Variants in LHFPL3 observed in about 807,000 individuals in gnomAD.
LHFPL3 encodes the protein LHFPL tetraspan subfamily member 3 protein.
LHFPL3 carries 5 observed loss-of-function variants against 19.3 expected under a neutral mutation model. That is an observed-to-expected ratio of 0.26 (90% CI 0.14 to 0.54). The LOEUF is 0.54. Ranked by LOEUF, LHFPL3 falls within the 20% of genes least tolerant of loss-of-function variation. The probability of loss-of-function intolerance (pLI) is 0.94; values close to 1 mark genes in which losing one functional copy is unlikely to be tolerated. For synonymous variants in LHFPL3, 133 were observed against 126.2 expected, an observed-to-expected ratio of 1.05 and a Z score of -0.36; for missense variants, 249 against 307.4, an observed-to-expected ratio of 0.81 and a Z score of 1.42.
intron 1 of LHFPL3, among the ~76,000 whole-genome samples, chr7:104,342,963 G>GT (rs1789985587): frequency 6.8e-6 from 1 of 146,446 alleles, no homozygotes; most frequent in Admixed American, 6.8e-5. Context: ...CATAAGGGCT[G>GT]TTCCCTTCTT....
At chr7:104,786,039 C>G (rs1789904802) in intron 2 of LHFPL3, among the ~76,000 whole-genome samples, 1 of 152,198 alleles carries the variant, frequency 6.6e-6, no homozygotes, top group African/African-American at 2.4e-5. Flanking sequence ...GTCAGACCCT[C>G]TGTGTGGAAA....
At chr7:104,421,891 C>T (rs1791740359) in intron 1 of LHFPL3, among the ~76,000 whole-genome samples, 2 of 152,050 alleles carry the variant, frequency 1.3e-5, no homozygotes, top group African/African-American at 4.8e-5. Flanking sequence ...AGGTGGAGCC[C>T]TCATGAATGG....
intron 2 of LHFPL3, among the ~76,000 whole-genome samples, chr7:104,760,267 A>C (rs372495318): frequency 4.6e-5 from 7 of 152,170 alleles, no homozygotes; most frequent in African/African-American, 1.4e-4. Context: ...GCTGCCAGAA[A>C]CCAAACTTTG....
At chr7:104,365,507 C>T (rs1368083569) in intron 1 of LHFPL3, among the ~76,000 whole-genome samples, 37 of 150,624 alleles carry the variant, frequency 2.5e-4, no homozygotes, top group African/African-American at 8.1e-4. Context: ...CTCGGCCGGG[C>T]GCGGTGGCTC....
chr7:104,828,417 C>T (rs1221089450), intron 2 of LHFPL3, among the ~76,000 whole-genome samples: 8 of 151,984 alleles, frequency 5.3e-5, no homozygotes, highest in Non-Finnish European at 1.2e-4. Context: ...ACTCCTGCCC[C>T]AGCAGGTAGT....
chr7:104,388,528 C>T (rs1354185307), intron 1 of LHFPL3, among the ~76,000 whole-genome samples: 2 of 152,154 alleles, frequency 1.3e-5, no homozygotes, highest in Non-Finnish European at 2.9e-5. Context: ...AAAACGAACA[C>T]TTCCCAACTT....
At chr7:104,624,540 C>T (rs1791508844) in intron 1 of LHFPL3, among the ~76,000 whole-genome samples, 1 of 152,176 alleles carries the variant, frequency 6.6e-6, no homozygotes, top group Admixed American at 6.5e-5. Context: ...AACAGAAGGA[C>T]AAGGTCAGTG....
At chr7:104,455,020 T>C (rs977038024) in intron 1 of LHFPL3, among the ~76,000 whole-genome samples, 2 of 152,198 alleles carry the variant, frequency 1.3e-5, no homozygotes, top group Admixed American at 6.5e-5. Context: ...TGAGCCGGCC[T>C]CCTTATTGTG....
chr7:104,712,952 T>C (rs903514098), intron 1 of LHFPL3, among the ~76,000 whole-genome samples: 3 of 152,188 alleles, frequency 2.0e-5, no homozygotes, highest in Non-Finnish European at 4.4e-5. Context: ...CTGTAAAGAA[T>C]ACAAACCATA....
intron 1 of LHFPL3, among the ~76,000 whole-genome samples, chr7:104,441,908 C>G (rs187048583): frequency 6.6e-6 from 1 of 152,186 alleles, no homozygotes; most frequent in East Asian, 1.9e-4. Context: ...GATATCTGCC[C>G]AGAAGTGGAA....
chr7:104,476,144 G>T (rs1264506218), intron 1 of LHFPL3, among the ~76,000 whole-genome samples: 1 of 151,930 alleles, frequency 6.6e-6, no homozygotes, highest in Admixed American at 6.5e-5. Flanking sequence ...ATCTAAAATG[G>T]GCATACTCAA....
intron 1 of LHFPL3, among the ~76,000 whole-genome samples, chr7:104,545,267 A>G (rs1794557913): frequency 6.6e-6 from 1 of 152,130 alleles, no homozygotes; most frequent in African/African-American, 2.4e-5. Context: ...TATCAAATAG[A>G]CCTCACCATA....
At chr7:104,556,516 C>T (rs913231632) in intron 1 of LHFPL3, among the ~76,000 whole-genome samples, 2 of 152,134 alleles carry the variant, frequency 1.3e-5, no homozygotes, top group East Asian at 1.9e-4. Flanking sequence ...GGCTGGGATA[C>T]GGTCAAGTCC....
chr7:104,790,638 T>C (rs974315786), intron 2 of LHFPL3, among the ~76,000 whole-genome samples: 2 of 152,238 alleles, frequency 1.3e-5, no homozygotes, highest in African/African-American at 4.8e-5. Context: ...ATCTGATTTA[T>C]GTCAGGATGC....
intron 2 of LHFPL3, among the ~76,000 whole-genome samples, chr7:104,738,112 T>C (rs1793863914): frequency 1.3e-5 from 2 of 152,156 alleles, no homozygotes; most frequent in Non-Finnish European, 2.9e-5. Context: ...GAACACATAT[T>C]AGTTTTCTTA....
At chr7:104,902,038 C>T (rs1338019418) in intron 2 of LHFPL3, among the ~76,000 whole-genome samples, 2 of 152,096 alleles carry the variant, frequency 1.3e-5, no homozygotes, top group Non-Finnish European at 2.9e-5. Context: ...ACCACAGATA[C>T]TGTGGGTCAG....
chr7:104,515,613 A>G (rs1793905479), intron 1 of LHFPL3, among the ~76,000 whole-genome samples: 2 of 152,168 alleles, frequency 1.3e-5, no homozygotes, highest in African/African-American at 2.4e-5. Flanking sequence ...TGATTAATAG[A>G]ATGACTGGAA....
At chr7:104,394,938 A>G (rs1791152893) in intron 1 of LHFPL3, among the ~76,000 whole-genome samples, 1 of 151,940 alleles carries the variant, frequency 6.6e-6, no homozygotes, top group Admixed American at 6.6e-5. Context: ...TGACTTTGTG[A>G]TCCACCCACC....
intron 2 of LHFPL3, chr7:104,785,076 A>G (rs745553355): frequency 2.6e-5 from 4 of 152,236 alleles, no homozygotes; most frequent in Non-Finnish European, 5.9e-5. Context: ...TGTGATTTTT[A>G]TCATCATTCA....
Sources: allele counts gnomAD v4.1 joint callset (sites outside exome capture counted in the v4.1 genomes callset), GRCh38; gene constraint gnomAD v4.1.1; transcripts MANE v1.5; gene names NCBI Gene and HGNC (gene_info 2026-07-23, HGNC 2026-07-21).